The following GALNT13 variants were observed in gnomAD, a reference collection of about 807,000 sequenced individuals.
The protein encoded by GALNT13 is polypeptide N-acetylgalactosaminyltransferase 13.
In GALNT13, 28 loss-of-function variants were observed where a neutral mutation model predicts 64.2. The ratio of observed to expected loss-of-function variants is 0.44; its 90% CI spans 0.32 to 0.60. The LOEUF (loss-of-function observed/expected upper bound fraction) is 0.60, where lower values mean the gene tolerates loss of function less well. Among genes scored for constraint, GALNT13 ranks in the 20% least tolerant of loss-of-function variants. The pLI is 0.05. For synonymous variants in GALNT13, 214 were observed against 224.6 expected (o/e 0.95, Z 0.42); for missense variants, 577 against 669.8 (o/e 0.86, Z 1.53).
chr2:154,225,736 G>A (rs1175315668), intron 4 of GALNT13, among the ~76,000 whole-genome samples: 1 of 152,014 alleles, frequency 6.6e-6, no homozygotes, highest in Non-Finnish European at 1.5e-5. Flanking sequence ...AAAGATACAG[G>A]GGAAGTTTGT....
chr2:154,251,045 TGAAA>T (rs945351485), intron 7 of GALNT13, among the ~76,000 whole-genome samples: 28 of 152,260 alleles, frequency 1.8e-4, no homozygotes, highest in African/African-American at 6.7e-4. Flanking sequence ...CTATATTCTA[TGAAA>T]GAAAGAGTAC....
rs972600780 is a variant in GALNT13 at position 154,073,809 on chromosome 2, C to G, written c.143-66528C>G. ...AGGATATCTCAATTATCTGAAAAAT[C>G]TGCCAGAATACTATTCCAATTTCTA... is the stretch of plus-strand genomic sequence containing the variant. On this transcript the variant is annotated intron_variant, in intron 3 of 12. Transcript: ENST00000392825. Among the ~76,000 whole-genome samples the G allele has an allele frequency of 4.0e-5, 6 of 151,746 alleles. 1 individual carries two copies. The highest frequency in any genetic ancestry group is 1.5e-4 in the African/African-American group (6 of 41,368).
chr2:153,444,515 G>T, the GALNT13 span, among the ~76,000 whole-genome samples: 1 of 152,192 alleles, frequency 6.6e-6, no homozygotes, highest in Admixed American at 6.5e-5. Flanking sequence ...TATGACTAGG[G>T]TGTAAAGAGT....
chr2:154,021,829 G>A (rs1314431419), intron 3 of GALNT13, among the ~76,000 whole-genome samples: 3 of 149,186 alleles, frequency 2.0e-5, no homozygotes, highest in Non-Finnish European at 3.0e-5. Flanking sequence ...TATGATATTG[G>A]CTGTGGATTT....
rs796886901 is a variant in GALNT13 at position 154,083,029 on chromosome 2, G to T, written c.143-57308G>T. On this transcript the variant is annotated intron_variant, in intron 3 of 12. Coordinates refer to ENST00000392825, the MANE Select transcript of GALNT13 (RefSeq NM_052917.4). ...GGTATTACCTAGGTTTTCTTCTAAG[G>T]TTTTTGTGGTTTTAGGTCTTACATT... 2.0e-4 allele frequency among the ~76,000 whole-genome samples: 31 copies of T among 152,072 alleles called. 1 individual carries two copies. The highest frequency in any genetic ancestry group is 7.5e-4 in the African/African-American group (31 of 41,524).
intron 7 of GALNT13, among the ~76,000 whole-genome samples, chr2:154,251,334 GT>G (rs1690059551): frequency 6.6e-6 from 1 of 151,926 alleles, no homozygotes; most frequent in African/African-American, 2.4e-5. Flanking sequence ...GAAGCTTAGG[GT>G]TTTATCAGGT....
the GALNT13 span, among the ~76,000 whole-genome samples, chr2:153,123,601 T>C: frequency 6.6e-6 from 1 of 152,198 alleles, no homozygotes; most frequent in Non-Finnish European, 1.5e-5. Context: ...ATCTGCATGC[T>C]TCTTATGGCA....
Position 154,301,525 on chromosome 2 carries a change from C to G in GALNT13, c.1092C>G (p.Asn364Lys). The change falls in exon 9 of 13, where the codon AAC (asparagine) becomes AAG (lysine). Residue 364 changes from asparagine (N) to lysine (K), a missense_variant. By Grantham distance (94) the Asn-to-Lys change is moderately conservative. Coordinates refer to ENST00000392825, the MANE Select transcript of GALNT13 (RefSeq NM_052917.4). ...PGGTGHVINK[N>K]NRRLAEVWMD... ...GCACTGGTCATGTCATCAACAAGAA[C>G]AACAGGAGACTGGCAGAAGTTTGGA... is the stretch of plus-strand genomic sequence containing the variant. 2.5e-6 allele frequency: 4 copies of G among 1,613,384 alleles called. No homozygotes were observed. Among genetic ancestry groups the G allele is most frequent in the Non-Finnish European group, 2.5e-6 (3 of 1,179,456 alleles).
intron 9 of GALNT13, among the ~76,000 whole-genome samples, chr2:154,393,726 T>G (rs1371659222): frequency 1.3e-5 from 2 of 152,176 alleles, no homozygotes; most frequent in African/African-American, 4.8e-5. Context: ...TAATTCCCCA[T>G]TAGCCACTTT....
the GALNT13 span, among the ~76,000 whole-genome samples, chr2:153,155,209 G>A: frequency 2.0e-5 from 3 of 152,070 alleles, no homozygotes; most frequent in East Asian, 1.9e-4. Flanking sequence ...TGTCTGCAAG[G>A]TTTTTGTATC....
At chr2:153,793,383 G>T in the GALNT13 span, among the ~76,000 whole-genome samples, 3 of 152,072 alleles carry the variant, frequency 2.0e-5, no homozygotes, top group Non-Finnish European at 1.5e-5. Context: ...AAATGTTCTT[G>T]CACTTTCTCT....
the GALNT13 span, among the ~76,000 whole-genome samples, chr2:153,584,681 G>A: frequency 6.6e-6 from 1 of 152,158 alleles, no homozygotes; most frequent in African/African-American, 2.4e-5. Context: ...AGCATATGGT[G>A]CACAGAAAAC....
At chr2:153,154,647 G>A in the GALNT13 span, among the ~76,000 whole-genome samples, 134 of 152,212 alleles carry the variant, frequency 8.8e-4, no homozygotes, top group African/African-American at 3.2e-3. Context: ...GGCCGAGAAT[G>A]GGGTTTTCTA....
intron 4 of GALNT13, among the ~76,000 whole-genome samples, chr2:154,241,826 T>C (rs1210466711): frequency 1.3e-5 from 2 of 152,208 alleles, no homozygotes; most frequent in African/African-American, 4.8e-5. Context: ...ATAAAAATAT[T>C]AGTAATTATG....
chr2:153,944,363 T>C (rs1691559267), intron 2 of GALNT13, 31 bp from the exon 3 acceptor site: 1 of 693,234 alleles, frequency 1.4e-6, no homozygotes, highest in Admixed American at 2.7e-5. Context: ...TGTGTACAAT[T>C]AATGAAATTT....
chr2:154,064,339 C>A (rs1700347134), intron 3 of GALNT13, among the ~76,000 whole-genome samples: 1 of 152,166 alleles, frequency 6.6e-6, no homozygotes, highest in African/African-American at 2.4e-5. Context: ...AGTTCTAGTT[C>A]TGTTCTGGGC....
the GALNT13 span, chr2:153,159,136 T>G: frequency 6.5e-6 from 1 of 154,828 alleles, no homozygotes; most frequent in Non-Finnish European, 1.5e-5. Flanking sequence ...TTCCATTTTC[T>G]TTATACTAAA....
the GALNT13 span, among the ~76,000 whole-genome samples, chr2:153,359,629 G>GAAAAAAAAAAAAAAAAAAAAAAA: frequency 1.1e-4 from 1 of 8,926 alleles, no homozygotes; most frequent in Admixed American, 1.8e-3. Flanking sequence ...CCAGCTTTCA[G>GAAAAAAAAAAAAAAAAAAAAAAA]CAAAAAAAAA....
chr2:153,551,683 T>G, the GALNT13 span, among the ~76,000 whole-genome samples: 6 of 152,164 alleles, frequency 3.9e-5, no homozygotes, highest in Middle Eastern at 3.2e-3. Flanking sequence ...AATGTTACCA[T>G]TACTGAGATA....
Sources: allele counts gnomAD v4.1 joint callset (sites outside exome capture counted in the v4.1 genomes callset), GRCh38; gene constraint gnomAD v4.1.1; transcripts MANE v1.5; gene names NCBI Gene and HGNC (gene_info 2026-07-23, HGNC 2026-07-21).